EFCAB13: variants seen among roughly 807,000 people sequenced by gnomAD.
EFCAB13 encodes the protein EF-hand calcium-binding domain-containing protein 13.
A neutral mutation model predicts 110.2 loss-of-function variants in EFCAB13; 91 were observed. The ratio of observed to expected loss-of-function variants is 0.83; its 90% CI spans 0.70 to 0.98. The LOEUF is 0.98. Ranked by LOEUF, EFCAB13 falls within the 50% of genes least tolerant of loss-of-function variation. The pLI, the probability that EFCAB13 is intolerant of heterozygous loss-of-function variation, is 0.00. For synonymous variants in EFCAB13, 323 were observed against 369.9 expected, an observed-to-expected ratio of 0.87 and a Z score of 1.45; for missense variants, 968 against 1,119.4, an observed-to-expected ratio of 0.86 and a Z score of 1.93.
intron 8 of EFCAB13, among the ~76,000 whole-genome samples, chr17:47,347,296 T>C (rs75177318): frequency 0.041 from 6,221 of 152,122 alleles, 294 homozygotes; most frequent in East Asian, 0.24. Flanking sequence ...CAAACAAAAA[T>C]AGCACTATCA....
intron 23 of EFCAB13, among the ~76,000 whole-genome samples, chr17:47,420,858 A>G (rs1598762257): frequency 2.1e-5 from 3 of 144,306 alleles, no homozygotes; most frequent in African/African-American, 5.3e-5. Flanking sequence ...TCCGGGAGGG[A>G]GGTGGGGGGG....
chr17:47,430,131 G>A lies in EFCAB13; in HGVS notation c.2638+170G>A, dbSNP rs113442766. ...GTGTGCCAACCCTGAGCTTCATGGG[G>A]CCAAACAAATGGGGAAGTCAGAGCT... On this transcript the variant is annotated intron_variant, in intron 24 of 24. Transcript: ENST00000331493. 301 of 1,264,120 alleles carry A rather than the reference G, an allele frequency of 2.4e-4. No homozygotes were observed. The African/African-American group carries it at 4.1e-3, about 17-fold the overall frequency. The allele number at this position is 1,264,120 out of a possible 1,614,324, so 78.3% of individuals were successfully genotyped here.
chr17:47,371,420 G>T (rs2065584127), intron 11 of EFCAB13, among the ~76,000 whole-genome samples: 1 of 152,044 alleles, frequency 6.6e-6, no homozygotes, highest in African/African-American at 2.4e-5. Context: ...AGAGATAGGG[G>T]TTTAGTTTCA....
rs201488583 is a variant in EFCAB13, at chr17:47,335,349, A to T, written c.184A>T (p.Lys62Ter). Residue 62 changes from lysine to a stop codon, truncating the protein, a stop_gained, in exon 5 of 25, where the codon AAA becomes TAA. Coordinates refer to ENST00000331493, the MANE Select transcript of EFCAB13 (RefSeq NM_152347.5). LOFTEE classifies it high-confidence loss of function. Reference protein sequence around the residue: ...PEIRSLSPEYKKIFETSIIFC... With the variant: ...PEIRSLSPEY Reference sequence around the variant, plus strand: ...AATTAGGAGTTTGAGCCCAGAATATAAAAAAATGTAAGTTAAAAACTCTGA... The same window carrying T: ...AATTAGGAGTTTGAGCCCAGAATATTAAAAAATGTAAGTTAAAAACTCTGA... The T allele has an allele frequency of 8.4e-5, 133 of 1,580,926 alleles. No homozygotes were observed. The highest frequency in any genetic ancestry group is 1.1e-4 in the Non-Finnish European group (128 of 1,170,232).
chr17:47,420,510 C>T (rs1904624131), intron 23 of EFCAB13, among the ~76,000 whole-genome samples: 1 of 152,102 alleles, frequency 6.6e-6, no homozygotes, highest in African/African-American at 2.4e-5. Flanking sequence ...AGGAGCGCCT[C>T]TTCCCGGCCG....
chr17:47,440,791 T>C lies in EFCAB13; in HGVS notation c.*77T>C. 1 of 1,228,968 alleles carries C rather than the reference T, an allele frequency of 8.1e-7. No homozygotes were observed. The highest frequency in any genetic ancestry group is 1.1e-6 in the Non-Finnish European group (1 of 913,948). The allele number at this position is 1,228,968 out of a possible 1,614,324, so 76.1% of individuals were successfully genotyped here. ...ATGCATATTTGACTTCTGAAATTATTAGAAAATAATTTTTAAAACTTTTGA... is the reference window on the plus strand; with the variant it reads ...ATGCATATTTGACTTCTGAAATTATCAGAAAATAATTTTTAAAACTTTTGA... On this transcript the variant is annotated 3_prime_UTR_variant, in exon 25 of 25. Transcript: ENST00000331493.
intron 14 of EFCAB13, among the ~76,000 whole-genome samples, chr17:47,382,498 A>T (rs1223941958): frequency 6.6e-6 from 1 of 152,216 alleles, no homozygotes; most frequent in African/African-American, 2.4e-5. Context: ...TGGGTTTGTC[A>T]TAAATAGCTC....
intron 4 of EFCAB13, among the ~76,000 whole-genome samples, chr17:47,330,201 G>T (rs188875966): frequency 3.3e-5 from 5 of 151,156 alleles, no homozygotes; most frequent in Non-Finnish European, 7.4e-5. Flanking sequence ...TTTCTTTTTG[G>T]GGGGGTGGGG....
intron 23 of EFCAB13, among the ~76,000 whole-genome samples, chr17:47,422,818 T>A (rs925786454): frequency 3.9e-5 from 6 of 152,210 alleles, no homozygotes; most frequent in Non-Finnish European, 7.4e-5. Flanking sequence ...CAATTTGAGC[T>A]ATATATTCAA....
intron 9 of EFCAB13, among the ~76,000 whole-genome samples, chr17:47,360,765 C>T (rs911547471): frequency 6.6e-6 from 1 of 151,982 alleles, no homozygotes. Context: ...TTAGGTCTAA[C>T]GTTTAAGTCT....
At chr17:47,354,978 A>G (rs1473633615) in intron 9 of EFCAB13, among the ~76,000 whole-genome samples, 1 of 152,156 alleles carries the variant, frequency 6.6e-6, no homozygotes, top group Non-Finnish European at 1.5e-5. Context: ...TGTGAAATTT[A>G]TGCTTTAAGG....
intron 20 of EFCAB13, 30 bp from the exon 21 acceptor site, chr17:47,409,617 A>G: frequency 4.4e-6 from 7 of 1,573,104 alleles, no homozygotes; most frequent in Non-Finnish European, 4.4e-6. Flanking sequence ...GCCATTCCTC[A>G]TTGTGTAATG....
rs534663658 is a variant in EFCAB13 at position 47,433,398 on chromosome 17, T to A, written c.2638+3437T>A. Reference sequence around the variant, plus strand: ...TCCTTCTTTCAAAGTTTTTGTTAGATGCAAGTCATAAAGTTTAGCCCCATG... The same window carrying A: ...TCCTTCTTTCAAAGTTTTTGTTAGAAGCAAGTCATAAAGTTTAGCCCCATG... On this transcript the variant is annotated intron_variant, in intron 24 of 24. Transcript: ENST00000331493. Among the ~76,000 whole-genome samples, 9 of 152,208 alleles carry A rather than the reference T, an allele frequency of 5.9e-5. No individual in the cohort carries two copies. In the South Asian group the frequency reaches 1.0e-3, roughly 18 times the overall value.
chr17:47,369,645 A>T (rs1279359696), intron 10 of EFCAB13: 1 of 152,420 alleles, frequency 6.6e-6, no homozygotes, highest in Non-Finnish European at 1.5e-5. Flanking sequence ...ATTATTGAAC[A>T]GTTGATTTCT....
At chr17:47,345,200 A>C (rs1332515113) in intron 8 of EFCAB13, 102 bp downstream of exon 8, 1 of 779,758 alleles carries the variant, frequency 1.3e-6, no homozygotes. Context: ...CTAATGGCTT[A>C]TGGTATCAAC....
intron 9 of EFCAB13, among the ~76,000 whole-genome samples, chr17:47,359,751 A>G (rs184691824): frequency 0.083 from 12,037 of 144,306 alleles, 749 homozygotes; most frequent in East Asian, 0.34. Context: ...CATTAGGTAT[A>G]TCTCCTAATG....
At chr17:47,405,342 G>A (rs1240595997) in intron 20 of EFCAB13, among the ~76,000 whole-genome samples, 2 of 152,022 alleles carry the variant, frequency 1.3e-5, no homozygotes, top group Non-Finnish European at 2.9e-5. Context: ...GACTTGCTGG[G>A]CCAAAGTATT....
chr17:47,325,923 A>AATATATATATATATATATATATAT (rs60735562), intron 2 of EFCAB13, among the ~76,000 whole-genome samples: 7 of 102,550 alleles, frequency 6.8e-5, no homozygotes, highest in African/African-American at 1.2e-4. Context: ...ATATAAACAA[A>AATATATATATATATATATATATAT]ATATATATAT....
intron 9 of EFCAB13, among the ~76,000 whole-genome samples, chr17:47,352,280 A>G (rs894650733): frequency 1.3e-5 from 2 of 151,928 alleles, no homozygotes; most frequent in African/African-American, 4.8e-5. Context: ...ATGGTGGGAG[A>G]TAGGGGTCCA....
Sources: gnomAD v4.1 joint callset for allele counts (sites outside exome capture counted in the v4.1 genomes callset) on GRCh38, gnomAD v4.1.1 for gene constraint, MANE v1.5 for transcripts, NCBI Gene and HGNC (gene_info 2026-07-23, HGNC 2026-07-21) for gene names.